The following OPHN1 variants were observed in gnomAD, a reference collection of about 807,000 sequenced individuals.
OPHN1 encodes the protein oligophrenin 1.
In OPHN1, 11 loss-of-function variants were observed where a neutral mutation model predicts 60.7. The observed-to-expected ratio is 0.18, with a 90% CI of 0.11 to 0.30. The LOEUF is 0.30. OPHN1 is among the 10% of genes least tolerant of loss of function. The pLI, the probability that OPHN1 is intolerant of heterozygous loss-of-function variation, is 1.00. For synonymous variants in OPHN1, 226 were observed against 222.6 expected (o/e 1.02, Z -0.14); for missense variants, 449 against 611.0 (o/e 0.73, Z 2.80).
At chrX:68,407,327 T>G (rs1176051477) in intron 2 of OPHN1, among the ~76,000 whole-genome samples, 2 of 112,426 alleles carry the variant, frequency 1.8e-5, no homozygotes, top group African/African-American at 6.5e-5. Context: ...ATCTTTCAGC[T>G]CAATTTGCTC....
chrX:68,049,902 G>A (rs1246772912), intron 23 of OPHN1, among the ~76,000 whole-genome samples: 1 of 111,926 alleles, frequency 8.9e-6, no homozygotes, highest in Admixed American at 9.5e-5. Flanking sequence ...TTCTTGATGA[G>A]CCACTACTCA....
In OPHN1 at chrX:68,043,782, T is replaced by C. The variant is rs922967982; in HGVS notation, c.*3390A>G. ...TTTCTTTTTGTAAGCCATCTCTTGA[T>C]TTTGCTATCACCACAGAAAAATTTG... On this transcript the variant is annotated 3_prime_UTR_variant, in exon 25 of 25. Transcript: ENST00000355520. 5 of 111,898 alleles carry C rather than the reference T, an allele frequency of 4.5e-5. No homozygotes were observed. Among genetic ancestry groups the C allele is most frequent in the Non-Finnish European group, 9.4e-5 (5 of 53,226 alleles). The allele number at this position is 111,898 out of a possible 1,213,427, so 9.2% of individuals were successfully genotyped here. A position where few individuals can be genotyped will look rare whatever the true frequency, so the allele number is the denominator to read the frequency against.
chrX:68,390,229 A>G (rs919789764), intron 2 of OPHN1, among the ~76,000 whole-genome samples: 6 of 111,586 alleles, frequency 5.4e-5, no homozygotes, highest in East Asian at 2.8e-4. Flanking sequence ...TAGCCAAACT[A>G]TATCAGTACG....
intron 23 of OPHN1, among the ~76,000 whole-genome samples, chrX:68,050,095 G>A (rs2076846235): frequency 9.0e-6 from 1 of 111,726 alleles, no homozygotes; most frequent in Admixed American, 9.5e-5. Flanking sequence ...GACCATAGAC[G>A]GGACTGACTA....
rs140844020 is a variant in OPHN1, at chrX:68,355,687, T to C, written c.155-56591A>G. ...GCTGGTGCTAATTTTAAATTGCATA[T>C]GCTTCCAAGAAAGACAATCCTCAAT... On this transcript the variant is annotated intron_variant, in intron 2 of 24. Transcript: ENST00000355520. Among the ~76,000 whole-genome samples, 622 of 111,989 alleles carry C rather than the reference T, an allele frequency of 5.6e-3. 3 individuals are homozygous for C. Among genetic ancestry groups the C allele is most frequent in the African/African-American group, 0.019 (580 of 30,876 alleles).
At chrX:68,231,946 T>C (rs1339597272) in intron 6 of OPHN1, among the ~76,000 whole-genome samples, 1 of 112,020 alleles carries the variant, frequency 8.9e-6, no homozygotes, top group Non-Finnish European at 1.9e-5. Context: ...ATCACACAAA[T>C]GCAAGATGAT....
At position 68,192,977 on chromosome X, in the gene OPHN1, C is replaced by T. The variant is rs772711707; in HGVS notation, c.1218G>A (p.Gly406=). Residue 406 remains glycine, a synonymous_variant, in exon 15 of 25, where the codon GGG becomes GGA. Coordinates refer to ENST00000355520, the MANE Select transcript of OPHN1 (RefSeq NM_002547.3). The stretch of plus-strand genomic sequence containing the variant: ...TATTGCTGCCCACAGTGCGGTACAA[C>T]CCTTCTGTCTTGATCCCTAGTGGAG... ...IIETKGIKTE[G]LYRTVGSNIQ... is the part of the protein sequence containing the mutation. The T allele has an allele frequency of 1.1e-5, 13 of 1,208,323 alleles. No individual in the cohort carries two copies. The highest frequency in any genetic ancestry group is 3.5e-5 in the African/African-American group (2 of 57,178).
intron 5 of OPHN1, among the ~76,000 whole-genome samples, chrX:68,264,697 G>C (rs1399317589): frequency 8.9e-6 from 1 of 112,187 alleles, no homozygotes; most frequent in East Asian, 2.8e-4. Context: ...AGTGGGTGCA[G>C]TGCACCAAGC....
chrX:68,349,700 C>T (rs1040347578), intron 2 of OPHN1, among the ~76,000 whole-genome samples: 8 of 111,792 alleles, frequency 7.2e-5, no homozygotes, highest in African/African-American at 2.6e-4. Context: ...AAATGTGGCA[C>T]ATATACACCA....
intron 12 of OPHN1, among the ~76,000 whole-genome samples, chrX:68,196,210 G>T (rs1430033912): frequency 1.8e-5 from 2 of 111,846 alleles, no homozygotes; most frequent in Non-Finnish European, 3.8e-5. Flanking sequence ...AACCTAGAAT[G>T]CATTTTCCCT....
intron 19 of OPHN1, among the ~76,000 whole-genome samples, chrX:68,080,379 T>C (rs1277103387): frequency 8.9e-6 from 1 of 112,283 alleles, no homozygotes; most frequent in African/African-American, 3.2e-5. Flanking sequence ...CACAGAACAC[T>C]TTCACTCTTA....
chrX:68,140,601 G>A (rs1322361742), intron 15 of OPHN1, among the ~76,000 whole-genome samples: 2 of 110,074 alleles, frequency 1.8e-5, no homozygotes, highest in African/African-American at 3.3e-5. Flanking sequence ...AGTGAAAACA[G>A]CTGACCCCTG....
At chrX:68,359,120 C>CCTCT (rs1483672327) in intron 2 of OPHN1, among the ~76,000 whole-genome samples, 1 of 111,831 alleles carries the variant, frequency 8.9e-6, no homozygotes, top group African/African-American at 3.2e-5. Context: ...TCACAATCAC[C>CCTCT]CTCTCTCTTG....
chrX:68,322,251 C>T (rs934822072), intron 2 of OPHN1, among the ~76,000 whole-genome samples: 1 of 111,723 alleles, frequency 9.0e-6, no homozygotes, highest in South Asian at 3.8e-4. Flanking sequence ...GGATTACAGA[C>T]ATGGGTCACT....
intron 19 of OPHN1, among the ~76,000 whole-genome samples, chrX:68,086,274 T>G (rs1433309705): frequency 1.8e-5 from 2 of 110,459 alleles, no homozygotes; most frequent in African/African-American, 6.6e-5. Context: ...TGGCACAGGA[T>G]GCAAAACCAG....
intron 5 of OPHN1, among the ~76,000 whole-genome samples, chrX:68,243,743 C>G (rs2077792463): frequency 8.9e-6 from 1 of 111,746 alleles, no homozygotes; most frequent in Admixed American, 9.6e-5. Context: ...CAGATAAACT[C>G]AAACTCAAAT....
chrX:68,093,555 CCA>C (rs1396281105), intron 19 of OPHN1, among the ~76,000 whole-genome samples: 1 of 110,854 alleles, frequency 9.0e-6, no homozygotes, highest in Non-Finnish European at 1.9e-5. Context: ...TGTGAGAGAT[CCA>C]GTTTTTGTGT....
intron 5 of OPHN1, among the ~76,000 whole-genome samples, chrX:68,239,530 C>A (rs1404627062): frequency 9.0e-6 from 1 of 111,506 alleles, no homozygotes; most frequent in African/African-American, 3.3e-5. Flanking sequence ...CTTCCTAGCA[C>A]TTGCCTGCCC....
intron 6 of OPHN1, among the ~76,000 whole-genome samples, chrX:68,227,779 AC>A (rs1253655472): frequency 2.7e-5 from 3 of 111,475 alleles, no homozygotes; most frequent in Non-Finnish European, 5.6e-5. Context: ...AATTTATAGC[AC>A]TAAATGCCCA....
Sources: allele counts gnomAD v4.1 joint callset (sites outside exome capture counted in the v4.1 genomes callset), GRCh38; gene constraint gnomAD v4.1.1; transcripts MANE v1.5; gene names NCBI Gene and HGNC (gene_info 2026-07-23, HGNC 2026-07-21).